Variants in PGPEP1L observed in about 807,000 individuals in gnomAD.
PGPEP1L encodes the protein pyroglutamyl-peptidase I like.
In PGPEP1L, 7 loss-of-function variants were observed where a neutral mutation model predicts 6.0. The observed-to-expected ratio is 1.17, with a 90% CI of 0.66 to 2.19. PGPEP1L has a LOEUF of 2.19. PGPEP1L is among the 30% of genes most tolerant of loss of function. The probability of loss-of-function intolerance (pLI) is 0.00; values close to 1 mark genes in which losing one functional copy is unlikely to be tolerated. For missense variants in PGPEP1L, 209 were observed against 192.5 expected (o/e 1.09, Z -0.51); for synonymous variants, 103 against 83.9 (o/e 1.23, Z -1.24).
intron 2 of PGPEP1L, among the ~76,000 whole-genome samples, chr15:98,991,319 A>C (rs1180165549): frequency 1.3e-5 from 2 of 152,254 alleles, no homozygotes; most frequent in African/African-American, 4.8e-5. Flanking sequence ...ATCAGAGAAT[A>C]CTATAAACAC....
intron 2 of PGPEP1L, among the ~76,000 whole-genome samples, chr15:98,978,879 G>A (rs973394042): frequency 1.3e-5 from 2 of 151,204 alleles, no homozygotes; most frequent in African/African-American, 4.9e-5. Flanking sequence ...ACAGGCACGC[G>A]CCATCACGCC....
chr15:98,999,335 TCAA>T (rs1419869560), intron 2 of PGPEP1L, among the ~76,000 whole-genome samples: 1 of 152,204 alleles, frequency 6.6e-6, no homozygotes, highest in African/African-American at 2.4e-5. Flanking sequence ...GAAAAGATGT[TCAA>T]CATCATTAGC....
At chr15:99,003,301 G>C (rs1396443562) in intron 2 of PGPEP1L, among the ~76,000 whole-genome samples, 2 of 150,726 alleles carry the variant, frequency 1.3e-5, no homozygotes, top group African/African-American at 2.5e-5. Flanking sequence ...TTCTGCTTTA[G>C]AATCATATTT....
chr15:98,971,183 G>C, intron 2 of PGPEP1L, 25 bp from the exon 3 acceptor site: 2 of 1,234,756 alleles, frequency 1.6e-6, no homozygotes, highest in South Asian at 1.3e-5. Context: ...AGGTGGACTT[G>C]CCTCAGTTGA....
chr15:98,974,972 A>T (rs940406399), intron 2 of PGPEP1L, among the ~76,000 whole-genome samples: 1 of 152,256 alleles, frequency 6.6e-6, no homozygotes, highest in African/African-American at 2.4e-5. Flanking sequence ...TGCTGGGTAT[A>T]TATCAAAATA....
intron 4 of PGPEP1L, among the ~76,000 whole-genome samples, 162 bp from the exon 5 acceptor site, chr15:98,968,859 A>G (rs1031904867): frequency 6.6e-6 from 1 of 152,250 alleles, no homozygotes; most frequent in Admixed American, 6.5e-5. Flanking sequence ...TGGTGCCAGG[A>G]TGAGCTGGGG....
At chr15:99,006,926 G>A (rs1198364856) in intron 1 of PGPEP1L, among the ~76,000 whole-genome samples, 7 of 152,214 alleles carry the variant, frequency 4.6e-5, no homozygotes, top group African/African-American at 1.7e-4. Context: ...CTTCAGGGAA[G>A]CAGGCAGAGC....
chr15:98,994,269 A>C (rs2017858042), intron 2 of PGPEP1L, among the ~76,000 whole-genome samples: 1 of 152,164 alleles, frequency 6.6e-6, no homozygotes, highest in Non-Finnish European at 1.5e-5. Context: ...CTGTCTCAAA[A>C]AACAAAAACC....
chr15:98,976,816 T>C (rs1044156371), intron 2 of PGPEP1L, among the ~76,000 whole-genome samples: 1 of 152,140 alleles, frequency 6.6e-6, no homozygotes, highest in African/African-American at 2.4e-5. Flanking sequence ...TTAGTGGAGA[T>C]AATACATTTT....
intron 2 of PGPEP1L, among the ~76,000 whole-genome samples, chr15:98,987,806 G>A (rs1555471667): frequency 6.6e-6 from 1 of 152,108 alleles, no homozygotes; most frequent in African/African-American, 2.4e-5. Flanking sequence ...ATTGGGACTG[G>A]CTGGACAGTG....
intron 2 of PGPEP1L, among the ~76,000 whole-genome samples, chr15:99,000,660 A>G (rs1434167352): frequency 6.6e-6 from 1 of 152,136 alleles, no homozygotes; most frequent in Non-Finnish European, 1.5e-5. Context: ...CTTTGTATCC[A>G]CACTCTGTAT....
At chr15:99,006,231 C>G (rs1233809741) in intron 1 of PGPEP1L, among the ~76,000 whole-genome samples, 2 of 152,304 alleles carry the variant, frequency 1.3e-5, no homozygotes, top group Admixed American at 6.5e-5. Context: ...AGGCACTGTC[C>G]CCAGCTTCAT....
rs2018041357 is a variant in PGPEP1L, at chr15:99,005,519, C to A, written c.-232G>T. 1 of 152,358 alleles carries A rather than the reference C, an allele frequency of 6.6e-6. No individual in the cohort carries two copies. Among genetic ancestry groups the A allele is most frequent in the African/African-American group, 2.4e-5 (1 of 41,468 alleles). 9.4% of individuals were successfully genotyped at this position (152,358 alleles called of 1,614,324 possible). On this transcript the variant is annotated 5_prime_UTR_variant, in exon 2 of 5. Coordinates refer to ENST00000535714, the MANE Select transcript of PGPEP1L (RefSeq NM_001167902.2). Reference sequence around the variant, plus strand: ...CCTGGCTCAGGCAGCGGCCCAGCGGCCGGGCTCTGCGCGCTCTGAGCTCCG... The same window carrying A: ...CCTGGCTCAGGCAGCGGCCCAGCGGACGGGCTCTGCGCGCTCTGAGCTCCG...
At chr15:98,982,737 G>A (rs1274662893) in intron 2 of PGPEP1L, among the ~76,000 whole-genome samples, 1 of 73,502 alleles carries the variant, frequency 1.4e-5, no homozygotes, top group Non-Finnish European at 3.6e-5. Flanking sequence ...TTGAGACAGA[G>A]TCTTGCTCTG....
intron 1 of PGPEP1L, among the ~76,000 whole-genome samples, chr15:99,007,061 A>ACC (rs782001227): frequency 6.6e-6 from 1 of 151,686 alleles, no homozygotes; most frequent in African/African-American, 2.4e-5. Context: ...CGCGGATTAG[A>ACC]CCCCCCTTGG....
intron 2 of PGPEP1L, among the ~76,000 whole-genome samples, chr15:98,973,765 AAAT>A (rs1441241086): frequency 1.3e-5 from 2 of 152,220 alleles, no homozygotes; most frequent in African/African-American, 2.4e-5. Flanking sequence ...GAAAGACTTC[AAAT>A]AAACAGCCTA....
At chr15:98,971,261 G>A (rs1335810782) in intron 2 of PGPEP1L, 103 bp from the exon 3 acceptor site, 1 of 1,381,494 alleles carries the variant, frequency 7.2e-7, no homozygotes, top group Non-Finnish European at 9.7e-7. Flanking sequence ...ACTTCCAGGG[G>A]TCTTCCGCAG....
chr15:98,993,441 G>A (rs1477520105), intron 2 of PGPEP1L, among the ~76,000 whole-genome samples: 3 of 152,124 alleles, frequency 2.0e-5, no homozygotes, highest in African/African-American at 7.2e-5. Context: ...AAAAAGTCAG[G>A]AAACAACAGA....
chr15:98,968,801 G>T, intron 4 of PGPEP1L, 104 bp from the exon 5 acceptor site: 1 of 1,024,034 alleles, frequency 9.8e-7, no homozygotes, highest in Non-Finnish European at 1.5e-6. Flanking sequence ...TGAGGAGGGA[G>T]CACTGCCACC....
Sources: gnomAD v4.1 joint callset for allele counts (sites outside exome capture counted in the v4.1 genomes callset) on GRCh38, gnomAD v4.1.1 for gene constraint, MANE v1.5 for transcripts, NCBI Gene and HGNC (gene_info 2026-07-23, HGNC 2026-07-21) for gene names.